The following WAPL variants were observed in gnomAD, a reference collection of about 807,000 sequenced individuals.
The protein encoded by WAPL is wings apart-like protein homolog.
In WAPL, 5 loss-of-function variants were observed where a neutral mutation model predicts 121.0. The ratio of observed to expected loss-of-function variants is 0.04; its 90% CI spans 0.02 to 0.09. The LOEUF (loss-of-function observed/expected upper bound fraction) is 0.09, where lower values mean the gene tolerates loss of function less well. Ranked by LOEUF, WAPL falls within the 10% of genes least tolerant of loss-of-function variation. The pLI is 1.00. For synonymous variants in WAPL, 480 were observed against 481.5 expected, an observed-to-expected ratio of 1.00 and a Z score of 0.04; for missense variants, 999 against 1,410.8, an observed-to-expected ratio of 0.71 and a Z score of 4.68.
At chr10:86,466,435 T>C (rs1841397926) in intron 9 of WAPL, among the ~76,000 whole-genome samples, 1 of 152,070 alleles carries the variant, frequency 6.6e-6, no homozygotes, top group Admixed American at 6.5e-5. Flanking sequence ...CCAGATATGG[T>C]GGCATACACC....
At chr10:86,491,733 T>TAA (rs764600747) in intron 4 of WAPL, among the ~76,000 whole-genome samples, 3 of 131,050 alleles carry the variant, frequency 2.3e-5, no homozygotes, top group Admixed American at 7.7e-5. Flanking sequence ...AACTTCAACT[T>TAA]AAAAAAAAAA....
chr10:86,443,531 G>A, intron 16 of WAPL, 168 bp from the exon 17 acceptor site: 2 of 504,530 alleles, frequency 4.0e-6, no homozygotes, highest in African/African-American at 1.9e-5. Context: ...AAATGAAATA[G>A]GGATCCAAAA....
At chr10:86,503,961 G>A (rs1485390515) in intron 2 of WAPL, among the ~76,000 whole-genome samples, 1 of 151,784 alleles carries the variant, frequency 6.6e-6, no homozygotes, top group Non-Finnish European at 1.5e-5. Context: ...CTTGAGGCCA[G>A]AAGTTCGAGA....
At chr10:86,489,204 T>G (rs190487141) in intron 4 of WAPL, among the ~76,000 whole-genome samples, 2 of 152,004 alleles carry the variant, frequency 1.3e-5, no homozygotes, top group African/African-American at 2.4e-5. Context: ...TGAAGGAGAG[T>G]AGAGACTTGT....
At chr10:86,460,549 T>C (rs548391610) in intron 10 of WAPL, 53 bp from the exon 11 acceptor site, 22 of 1,449,090 alleles carry the variant, frequency 1.5e-5, no homozygotes, top group Admixed American at 1.1e-4. Flanking sequence ...TACTTACCAA[T>C]AGAATACTTT....
At chr10:86,461,561 G>GT (rs1187206167) in intron 9 of WAPL, among the ~76,000 whole-genome samples, 1 of 152,154 alleles carries the variant, frequency 6.6e-6, no homozygotes, top group Non-Finnish European at 1.5e-5. Flanking sequence ...TACAGGTCAA[G>GT]TGTGGAACTG....
rs952553474 is a variant in WAPL at position 86,497,293 on chromosome 10, G to C, written c.1552C>G (p.Pro518Ala). 1 of 1,610,408 alleles carries C rather than the reference G, an allele frequency of 6.2e-7. No individual in the cohort carries two copies. The highest frequency in any genetic ancestry group is 1.7e-5 in the Admixed American group (1 of 59,030). ...AENLDFTEDL[P>A]GVPESVKKPI... The stretch of plus-strand genomic sequence containing the variant: ...TTCTTCACACTTTCAGGCACACCAG[G>C]CAAGTCCTCTGTAAAATCCAAGTTT... Residue 518 changes from proline (P) to alanine (A), a missense_variant, in exon 4 of 19, where the codon CCT becomes GCT. By Grantham distance (27) the Pro-to-Ala change is conservative (BLOSUM62 -1). This residue lies in a region of WAPL where 531 missense variants were observed against 563.1 expected (regional missense o/e 0.94). Transcript: ENST00000298767.
intron 17 of WAPL, among the ~76,000 whole-genome samples, chr10:86,438,687 G>T (rs926437951): frequency 1.3e-5 from 2 of 152,164 alleles, no homozygotes; most frequent in Admixed American, 1.3e-4. Context: ...TACTCACAAA[G>T]CTGCTCATGA....
At chr10:86,443,042 C>CAAA (rs11402869) in intron 17 of WAPL, among the ~76,000 whole-genome samples, 22 of 123,220 alleles carry the variant, frequency 1.8e-4, no homozygotes, top group Admixed American at 7.0e-4. Flanking sequence ...GACTCCGCCT[C>CAAA]AAAAAAAAAA....
chr10:86,443,482 G>A, intron 16 of WAPL, 119 bp from the exon 17 acceptor site: 3 of 664,564 alleles, frequency 4.5e-6, no homozygotes, highest in Non-Finnish European at 7.4e-6. Context: ...AATGATGCTA[G>A]GACAACTGGA....
chr10:86,441,189 A>G (rs568776205), intron 17 of WAPL, among the ~76,000 whole-genome samples: 4 of 152,328 alleles, frequency 2.6e-5, no homozygotes, highest in Non-Finnish European at 5.9e-5. Context: ...ACACTTAAAA[A>G]TAATCCACCT....
intron 13 of WAPL, 135 bp downstream of exon 13, chr10:86,453,521 A>G: frequency 8.1e-7 from 1 of 1,229,966 alleles, no homozygotes; most frequent in African/African-American, 1.5e-5. Context: ...AGCAATTTAA[A>G]CCTACACATG....
At position 86,500,753 on chromosome 10, in the gene WAPL, TA is replaced by T; in HGVS notation, c.500-11del. 6.5e-7 allele frequency: 1 copy of T among 1,539,224 alleles called. No homozygotes were observed. The highest frequency in any genetic ancestry group is 8.7e-7 in the Non-Finnish European group (1 of 1,150,888). Reference sequence around the variant, plus strand: ...AAATTCTCCACTTTATCTGTAAAAATAAGTCAAAGGATAAAAACATGAGTGG... The same window carrying T: ...AAATTCTCCACTTTATCTGTAAAAATAGTCAAAGGATAAAAACATGAGTGG... On this transcript the variant is annotated splice_polypyrimidine_tract_variant and intron_variant, in intron 2 of 18. Transcript: ENST00000298767.
intron 4 of WAPL, among the ~76,000 whole-genome samples, chr10:86,478,057 GAA>G (rs768579639): frequency 5.7e-5 from 7 of 123,548 alleles, no homozygotes; most frequent in African/African-American, 6.0e-5. Flanking sequence ...CTCTGTCTCG[GAA>G]AAAAAAAAAA....
chr10:86,440,366 C>A (rs1478974109), intron 17 of WAPL, among the ~76,000 whole-genome samples: 1 of 151,934 alleles, frequency 6.6e-6, no homozygotes, highest in Admixed American at 6.5e-5. Context: ...CCACTCACTG[C>A]AAGCTCCGCC....
At chr10:86,520,334 A>G (rs1300766681) in intron 1 of WAPL, among the ~76,000 whole-genome samples, 2 of 152,218 alleles carry the variant, frequency 1.3e-5, no homozygotes, top group Non-Finnish European at 2.9e-5. Context: ...TTTTGTGCCA[A>G]AAGACCACGT....
chr10:86,446,374 T>C lies in WAPL; in HGVS notation c.3190A>G (p.Thr1064Ala). 5 of 1,614,126 alleles carry C rather than the reference T, an allele frequency of 3.1e-6. No homozygotes were observed. Among genetic ancestry groups the C allele is most frequent in the South Asian group, 2.2e-5 (2 of 91,082 alleles). The change falls in exon 16 of 19, where the codon ACT becomes GCT. Residue 1064 changes from threonine to alanine, a missense_variant. By Grantham distance (58) the Thr-to-Ala change is moderately conservative (BLOSUM62 0). This residue lies in a region of WAPL where 126 missense variants were observed against 144.0 expected (regional missense o/e 0.87). Transcript: ENST00000298767. ...CACTCTCCACTCTTATCATGCTGAG[T>C]GGTGGGAGCATCTTTGATCAACTCA... ...TDELIKDAPT[T>A]QHDKSGEWQE...
At chr10:86,442,961 G>A (rs976549434) in intron 17 of WAPL, among the ~76,000 whole-genome samples, 1 of 151,124 alleles carries the variant, frequency 6.6e-6, no homozygotes, top group Admixed American at 6.6e-5. Flanking sequence ...GAGAATGGCG[G>A]GAACCAGGGA....
intron 9 of WAPL, among the ~76,000 whole-genome samples, chr10:86,462,177 C>T (rs1233305069): frequency 6.6e-6 from 1 of 152,158 alleles, no homozygotes; most frequent in Non-Finnish European, 1.5e-5. Context: ...TTGGTTCCTG[C>T]TGCAATAAAG....
Sources: allele counts gnomAD v4.1 joint callset (sites outside exome capture counted in the v4.1 genomes callset), GRCh38; gene constraint gnomAD v4.1.1; regional missense constraint gnomAD v4.1.1; transcripts MANE v1.5; gene names NCBI Gene and HGNC (gene_info 2026-07-23, HGNC 2026-07-21).